ENGASE: variants seen among roughly 807,000 people sequenced by gnomAD.
The protein encoded by ENGASE is cytosolic endo-beta-N-acetylglucosaminidase.
Under a neutral mutation model 78.5 loss-of-function variants are expected in ENGASE, and 69 were observed. The ratio of observed to expected loss-of-function variants is 0.88; its 90% CI spans 0.72 to 1.07. ENGASE has a LOEUF of 1.07. ENGASE is among the 50% of genes least tolerant of loss of function. ENGASE has a pLI of 0.00. For missense variants in ENGASE, 943 were observed against 988.4 expected, an observed-to-expected ratio of 0.95 and a Z score of 0.62; for synonymous variants, 408 against 408.9, an observed-to-expected ratio of 1.00 and a Z score of 0.03.
rs1599348210 is a variant in ENGASE, at chr17:79,084,602, G to C, written c.1507G>C (p.Gly503Arg). The change falls in exon 11 of 14, where the codon GGG (glycine) becomes CGG (arginine). Residue 503 changes from glycine (G) to arginine (R), a missense_variant. Physicochemically the swap from Gly to Arg is moderately radical, Grantham distance 125. Coordinates refer to ENST00000579016, the MANE Select transcript of ENGASE (RefSeq NM_001042573.3). ...CCTGTCCATGGTGTATAAGCTTGAG[G>C]GGCCCACGGACGTCACAGTTGCTTT... ...IYLSMVYKLE[G>R]PTDVTVALEL... 1 of 1,611,190 alleles carries C rather than the reference G, an allele frequency of 6.2e-7. No homozygotes were observed. The highest frequency in any genetic ancestry group is 8.5e-7 in the Non-Finnish European group (1 of 1,179,060).
In ENGASE at chr17:79,087,554, G is replaced by C. The variant is rs2073357984; in HGVS notation, c.*1205G>C. 6.4e-6 allele frequency: 1 copy of C among 157,082 alleles called. No individual in the cohort carries two copies. Among genetic ancestry groups the C allele is most frequent in the Admixed American group, 6.1e-5 (1 of 16,280 alleles). The allele number at this position is 157,082 out of a possible 1,614,324, so 9.7% of individuals were successfully genotyped here. A position where few individuals can be genotyped will look rare whatever the true frequency, so the allele number is the denominator to read the frequency against. On this transcript the variant is annotated 3_prime_UTR_variant, in exon 14 of 14. Transcript: ENST00000579016. ...TCATCCTGTGGCTGGTCTGGGGTGG[G>C]GTCTGTTGTGGTCCTTCCACGGTGT... is the stretch of plus-strand genomic sequence containing the variant.
At chr17:79,085,898 G>A in intron 13 of ENGASE, 35 bp from the exon 14 acceptor site, 1 of 1,576,400 alleles carries the variant, frequency 6.3e-7, no homozygotes. Flanking sequence ...CCCGCCCCCG[G>A]GCGTCCAGCC....
At position 79,081,084 on chromosome 17, in the gene ENGASE, A is replaced by AGACAGGTGCTGTGAGGG. The variant is rs1568089360; in HGVS notation, c.872+13_872+29dup. 1.5e-6 allele frequency: 2 copies of AGACAGGTGCTGTGAGGG among 1,367,024 alleles called. No homozygotes were observed. Among genetic ancestry groups the AGACAGGTGCTGTGAGGG allele is most frequent in the Non-Finnish European group, 1.9e-6 (2 of 1,027,672 alleles). The allele number at this position is 1,367,024 out of a possible 1,614,324, so 84.7% of individuals were successfully genotyped here. On this transcript the variant is annotated intron_variant, in intron 6 of 13. Coordinates refer to ENST00000579016, the MANE Select transcript of ENGASE (RefSeq NM_001042573.3). ...CAACCAGCACAACAGGTGAGCCTGC[A>AGACAGGTGCTGTGAGGG]GACAGGTGCTGTGAGGGGGCAGGTG...
At position 79,085,283 on chromosome 17, in the gene ENGASE, C is replaced by T. The variant is rs762330771; in HGVS notation, c.1641C>T (p.Thr547=). ...HSLRPLRVPP[T]KLARWVGRCG... Reference sequence around the variant, plus strand: ...TCCGACCCCTCCGGGTGCCCCCCACCAAGCTGGCCAGATGGGTGGGCCGCT... The same window carrying T: ...TCCGACCCCTCCGGGTGCCCCCCACTAAGCTGGCCAGATGGGTGGGCCGCT... Residue 547 remains threonine (T), a synonymous_variant, in exon 12 of 14, where the codon ACC becomes ACT. Coordinates refer to ENST00000579016, the MANE Select transcript of ENGASE (RefSeq NM_001042573.3). 3 of 1,613,490 alleles carry T rather than the reference C, an allele frequency of 1.9e-6. No homozygotes were observed. Among genetic ancestry groups the T allele is most frequent in the African/African-American group, 1.3e-5 (1 of 75,058 alleles).
At position 79,079,772 on chromosome 17, in the gene ENGASE, C is replaced by T. The variant is rs12452651; in HGVS notation, c.565+135C>T. On this transcript the variant is annotated intron_variant, in intron 4 of 13. Coordinates refer to ENST00000579016, the MANE Select transcript of ENGASE (RefSeq NM_001042573.3). ...CCTCGCTGGGGGCCGCCTTGGTCGGCTAGGACAGGCAGCTGCAGGCTTTTT... is the reference window on the plus strand; with the variant it reads ...CCTCGCTGGGGGCCGCCTTGGTCGGTTAGGACAGGCAGCTGCAGGCTTTTT... 0.23 allele frequency: 257,471 copies of T among 1,129,074 alleles called. 34,674 individuals are homozygous for T. The highest frequency in any genetic ancestry group is 0.54 in the African/African-American group (33,749 of 62,310). The allele number at this position is 1,129,074 out of a possible 1,614,324, so 69.9% of individuals were successfully genotyped here.
Position 79,086,395 on chromosome 17 carries a change from C to A in ENGASE, c.*46C>A. 4 of 1,569,268 alleles carry A rather than the reference C, an allele frequency of 2.5e-6. No individual in the cohort carries two copies. Among genetic ancestry groups the A allele is most frequent in the Non-Finnish European group, 2.6e-6 (3 of 1,158,102 alleles). ...GTCTCCTGGCCTCGGGCTGAGGCCTCTTCCCGGCTGTCTGCCCCTGGCCTG... is the reference window on the plus strand; with the variant it reads ...GTCTCCTGGCCTCGGGCTGAGGCCTATTCCCGGCTGTCTGCCCCTGGCCTG... On this transcript the variant is annotated 3_prime_UTR_variant, in exon 14 of 14. Coordinates refer to ENST00000579016, the MANE Select transcript of ENGASE (RefSeq NM_001042573.3).
At chr17:79,080,056 G>T in intron 4 of ENGASE, 151 bp from the exon 5 acceptor site, 3 of 777,102 alleles carry the variant, frequency 3.9e-6, no homozygotes, top group African/African-American at 1.8e-5. Context: ...CACTGGCAGA[G>T]TGTCTGATTC....
rs760757272 is a variant in ENGASE, at chr17:79,085,764, G to A, written c.1815+30G>A. 25 of 1,608,990 alleles carry A rather than the reference G, an allele frequency of 1.6e-5. No individual in the cohort carries two copies. The South Asian group carries it at 2.2e-4, about 14-fold the overall frequency. On this transcript the variant is annotated intron_variant, in intron 13 of 13. Coordinates refer to ENST00000579016, the MANE Select transcript of ENGASE (RefSeq NM_001042573.3). ...TGCTTCCCAGAGGGGCTCGGGCTGGGCTGGCTGTTTGTCCAGCTGGAGTGG... is the reference window on the plus strand; with the variant it reads ...TGCTTCCCAGAGGGGCTCGGGCTGGACTGGCTGTTTGTCCAGCTGGAGTGG...
chr17:79,080,856 C>G, intron 5 of ENGASE, 69 bp from the exon 6 acceptor site: 1 of 1,542,272 alleles, frequency 6.5e-7, no homozygotes. Context: ...GTCTGTCCAG[C>G]GCTGGATACT....
Position 79,083,586 on chromosome 17 carries a change from G to A in ENGASE, c.1247G>A (p.Gly416Asp), listed in dbSNP as rs183970672. The part of the protein sequence containing the change: ...LGMGARRVCY[G>D]QEEAVGPWYH... ...ATGGGTGCACGGAGGGTCTGCTATG[G>A]CCAGGTGGGTGGGTGTCTTCCCTCC... The change falls in exon 9 of 14, where the codon GGC becomes GAC. Residue 416 changes from glycine to aspartate, a missense_variant. Transcript: ENST00000579016. The surrounding 1 kb of genome is among the most constrained non-coding windows in gnomAD (Gnocchi z 4.9). 1.9e-6 allele frequency: 3 copies of A among 1,613,438 alleles called. No homozygotes were observed. Among genetic ancestry groups the A allele is most frequent in the Non-Finnish European group, 2.5e-6 (3 of 1,179,518 alleles).
At chr17:79,084,184 C>G (rs1457990942) in intron 10 of ENGASE, 5 of 562,822 alleles carry the variant, frequency 8.9e-6, no homozygotes, top group Non-Finnish European at 1.5e-5. Flanking sequence ...TGACAGATCC[C>G]TAGAACTGTG....
intron 1 of ENGASE, among the ~76,000 whole-genome samples, chr17:79,076,651 T>A (rs1186877540): frequency 6.6e-6 from 1 of 152,230 alleles, no homozygotes; most frequent in African/African-American, 2.4e-5. Flanking sequence ...GAAGGAACTC[T>A]TTCTCCCTGT....
intron 7 of ENGASE, chr17:79,082,369 C>T (rs3744189): frequency 0.13 from 166,659 of 1,288,214 alleles, 11,543 homozygotes; most frequent in East Asian, 0.24. Flanking sequence ...GTCCCAGCTG[C>T]GTTCCTTGAT....
Position 79,084,651 on chromosome 17 carries a change from G to A in ENGASE, c.1556G>A (p.Gly519Asp), listed in dbSNP as rs763870402. The change falls in exon 11 of 14, where the codon GGC becomes GAC. Residue 519 changes from glycine (G) to aspartate (D), a missense_variant. Transcript: ENST00000579016. Reference sequence around the variant, plus strand: ...TTGGAGCTGACCACAGGGGATGCCGGCAGCTGCCACATCGGTGGCATCTCA... The same window carrying A: ...TTGGAGCTGACCACAGGGGATGCCGACAGCTGCCACATCGGTGGCATCTCA... The part of the protein sequence containing the change: ...VALELTTGDA[G>D]SCHIGGISVL... 8 of 1,612,488 alleles carry A rather than the reference G, an allele frequency of 5.0e-6. No homozygotes were observed. The African/African-American group carries it at 9.3e-5, about 19-fold the overall frequency.
rs1158294280 is a variant in ENGASE, at chr17:79,079,537, G to T, written c.465G>T (p.Trp155Cys). ...AGACTCCCTATGCTTTCTACCACTG[G>T]CAGTGCATCGACGTCTTTGTGTACT... ...VVQTPYAFYHWQCIDVFVYFS... is the reference protein window; with the variant it reads ...VVQTPYAFYHCQCIDVFVYFS... The change falls in exon 4 of 14, where the codon TGG (tryptophan) becomes TGT (cysteine). Residue 155 changes from tryptophan to cysteine, a missense_variant. Physicochemically the swap from Trp to Cys is radical, Grantham distance 215. Coordinates refer to ENST00000579016, the MANE Select transcript of ENGASE (RefSeq NM_001042573.3). The T allele has an allele frequency of 2.5e-6, 4 of 1,614,058 alleles. No individual in the cohort carries two copies. Among genetic ancestry groups the T allele is most frequent in the Non-Finnish European group, 3.4e-6 (4 of 1,180,016 alleles).
rs2073239585 is a variant in ENGASE, at chr17:79,084,645, A to G, written c.1550A>G (p.Asp517Gly). 1 of 1,612,298 alleles carries G rather than the reference A, an allele frequency of 6.2e-7. No individual in the cohort carries two copies. The highest frequency in any genetic ancestry group is 1.7e-5 in the Admixed American group (1 of 59,880). ...GTTGCTTTGGAGCTGACCACAGGGG[A>G]TGCCGGCAGCTGCCACATCGGTGGC... is the stretch of plus-strand genomic sequence containing the variant. ...VTVALELTTG[D>G]AGSCHIGGIS... is the part of the protein sequence containing the mutation. The change falls in exon 11 of 14, where the codon GAT becomes GGT. Residue 517 changes from aspartate (D) to glycine (G), a missense_variant. Physicochemically the swap from Asp to Gly is moderately conservative, Grantham distance 94 (BLOSUM62 -1). Transcript: ENST00000579016.
At chr17:79,077,926 G>A in intron 3 of ENGASE, 62 bp downstream of exon 3, 1 of 1,333,404 alleles carries the variant, frequency 7.5e-7, no homozygotes, top group Non-Finnish European at 1.0e-6. Context: ...GGTGGGGGCT[G>A]GAGGGGCGGG....
intron 3 of ENGASE, among the ~76,000 whole-genome samples, 198 bp from the exon 4 acceptor site, chr17:79,079,291 G>C (rs1003560570): frequency 1.8e-4 from 27 of 152,176 alleles, no homozygotes; most frequent in Non-Finnish European, 1.0e-4. Context: ...AGCCTCCCAA[G>C]TAGCTGGGAC....
intron 4 of ENGASE, 62 bp downstream of exon 4, chr17:79,079,699 C>G: frequency 6.3e-7 from 1 of 1,575,340 alleles, no homozygotes; most frequent in Non-Finnish European, 8.6e-7. Context: ...CCAGGGGACC[C>G]CGTGATTAGG....
Sources: gnomAD v4.1 joint callset for allele counts (sites outside exome capture counted in the v4.1 genomes callset) on GRCh38, gnomAD v4.1.1 for gene constraint, Gnocchi (gnomAD v3.1) non-coding constraint, MANE v1.5 for transcripts, NCBI Gene and HGNC (gene_info 2026-07-23, HGNC 2026-07-21) for gene names.